STK17B: variants seen among roughly 807,000 people sequenced by gnomAD.
The protein encoded by STK17B is serine/threonine-protein kinase 17B.
In STK17B, 21 loss-of-function variants were observed where a neutral mutation model predicts 42.0. The observed-to-expected ratio is 0.50, with a 90% CI of 0.35 to 0.72. The LOEUF is 0.72. Ranked by LOEUF, STK17B falls within the 30% of genes least tolerant of loss-of-function variation. The pLI, the probability that STK17B is intolerant of heterozygous loss-of-function variation, is 0.00. For synonymous variants in STK17B, 143 were observed against 148.4 expected (o/e 0.96, Z 0.26); for missense variants, 349 against 446.0 (o/e 0.78, Z 1.96).
chr2:196,147,439 A>G (rs1022892607), intron 3 of STK17B, among the ~76,000 whole-genome samples: 14 of 152,216 alleles, frequency 9.2e-5, no homozygotes, highest in Admixed American at 7.2e-4. Flanking sequence ...AAAATATGTC[A>G]TAAGTGTTAG....
At chr2:196,149,108 A>C (rs115437796) in intron 3 of STK17B, among the ~76,000 whole-genome samples, 1 of 152,320 alleles carries the variant, frequency 6.6e-6, no homozygotes, top group South Asian at 2.1e-4. Flanking sequence ...AGATCGTTTC[A>C]ATAAATACTT....
At chr2:196,160,966 A>AT (rs900818093) in intron 2 of STK17B, among the ~76,000 whole-genome samples, 1 of 152,206 alleles carries the variant, frequency 6.6e-6, no homozygotes, top group Non-Finnish European at 1.5e-5. Context: ...TACTTTATAG[A>AT]TTTTTTAGCT....
chr2:196,162,414 C>CTTT (rs57918319), intron 2 of STK17B, among the ~76,000 whole-genome samples: 5 of 130,926 alleles, frequency 3.8e-5, no homozygotes, highest in African/African-American at 8.1e-5. Context: ...TCTTCTTCTT[C>CTTT]TTTTTTTTTT....
intron 1 of STK17B, among the ~76,000 whole-genome samples, chr2:196,166,523 T>C (rs1406856594): frequency 1.3e-5 from 2 of 152,238 alleles, no homozygotes; most frequent in East Asian, 1.9e-4. Flanking sequence ...AGTAAATTTA[T>C]ATGCATGTGT....
Position 196,133,588 on chromosome 2 carries a change from TTA to T in STK17B, c.*3857_*3858del, listed in dbSNP as rs1469734410. The stretch of plus-strand genomic sequence containing the variant: ...TACTTGTTTTCAGATTTATATGCCT[TTA>T]CAGATATGTTTATTAGACACAAAGA... On this transcript the variant is annotated 3_prime_UTR_variant, in exon 8 of 8. Coordinates refer to ENST00000263955, the MANE Select transcript of STK17B (RefSeq NM_004226.4). The T allele has an allele frequency of 6.6e-6, 1 of 152,262 alleles. No individual in the cohort carries two copies. The highest frequency in any genetic ancestry group is 1.5e-5 in the Non-Finnish European group (1 of 68,042). The allele number at this position is 152,262 out of a possible 1,614,324, so 9.4% of individuals were successfully genotyped here. A position where few individuals can be genotyped will look rare whatever the true frequency, so the allele number is the denominator to read the frequency against.
chr2:196,140,492 A>G (rs1477636338), intron 6 of STK17B, among the ~76,000 whole-genome samples: 7 of 151,448 alleles, frequency 4.6e-5, no homozygotes, highest in Admixed American at 3.9e-4. Flanking sequence ...AAAAACTCAT[A>G]ATTTCCCAGA....
chr2:196,141,155 C>A, intron 6 of STK17B, 94 bp downstream of exon 6: 1 of 844,500 alleles, frequency 1.2e-6, no homozygotes, highest in South Asian at 1.6e-5. Flanking sequence ...TTGAAGAAAG[C>A]CTTATTATTT....
At chr2:196,168,855 A>G (rs756120503) in intron 1 of STK17B, among the ~76,000 whole-genome samples, 25 of 152,162 alleles carry the variant, frequency 1.6e-4, no homozygotes, top group Non-Finnish European at 3.1e-4. Flanking sequence ...TAGAATACAA[A>G]CTACAGTACT....
chr2:196,169,398 A>G (rs765394249), intron 1 of STK17B, among the ~76,000 whole-genome samples: 1 of 152,196 alleles, frequency 6.6e-6, no homozygotes, highest in Non-Finnish European at 1.5e-5. Flanking sequence ...TCTTACATAC[A>G]GAAAATGTGA....
At chr2:196,143,457 C>A in intron 5 of STK17B, 103 bp downstream of exon 5, 1 of 1,160,662 alleles carries the variant, frequency 8.6e-7, no homozygotes, top group Non-Finnish European at 1.2e-6. Flanking sequence ...CAATCAAATC[C>A]TTTTAACTGA....
At position 196,137,296 on chromosome 2, in the gene STK17B, A is replaced by C. The variant is rs1391298557; in HGVS notation, c.*151T>G. 1 of 756,158 alleles carries C rather than the reference A, an allele frequency of 1.3e-6. No homozygotes were observed. The highest frequency in any genetic ancestry group is 2.0e-6 in the Non-Finnish European group (1 of 495,498). 46.8% of individuals were successfully genotyped at this position (756,158 alleles called of 1,614,324 possible). A position where few individuals can be genotyped will look rare whatever the true frequency, so the allele number is the denominator to read the frequency against. On this transcript the variant is annotated 3_prime_UTR_variant, in exon 8 of 8. Transcript: ENST00000263955. ...ATGAAATCATAACATGCTAGCAACTAGTAATTTAACATTAAAACACTTCCC... is the reference window on the plus strand; with the variant it reads ...ATGAAATCATAACATGCTAGCAACTCGTAATTTAACATTAAAACACTTCCC...
At chr2:196,173,832 T>TA (rs1699974761), upstream of STK17B, among the ~76,000 whole-genome samples, 1 of 152,166 alleles carries the variant, frequency 6.6e-6, no homozygotes, top group Non-Finnish European at 1.5e-5. Context: ...TTCCAGTTCA[T>TA]ACGTTGAAAT....
intron 1 of STK17B, chr2:196,165,439 T>C (rs1699864964): frequency 6.6e-6 from 1 of 152,224 alleles, no homozygotes; most frequent in African/African-American, 2.4e-5. Flanking sequence ...TATACAAACA[T>C]TTACTTTCCA....
At chr2:196,169,596 G>A (rs1699912520) in intron 1 of STK17B, among the ~76,000 whole-genome samples, 1 of 152,144 alleles carries the variant, frequency 6.6e-6, no homozygotes, top group South Asian at 2.1e-4. Context: ...AAGTAAAACA[G>A]AGCAAGCTTA....
At chr2:196,173,261 A>T (rs1699969153), upstream of STK17B, among the ~76,000 whole-genome samples, 1 of 152,032 alleles carries the variant, frequency 6.6e-6, no homozygotes, top group Non-Finnish European at 1.5e-5. Flanking sequence ...CCAGCTTATC[A>T]CCATCCTCCT....
At chr2:196,163,020 G>A (rs1335022501) in intron 2 of STK17B, among the ~76,000 whole-genome samples, 2 of 152,152 alleles carry the variant, frequency 1.3e-5, no homozygotes, top group African/African-American at 2.4e-5. Context: ...CTCATGTAAC[G>A]ACAGAGACCT....
At position 196,163,284 on chromosome 2, in the gene STK17B, G is replaced by T; in HGVS notation, c.100C>A (p.Leu34Ile). 20 of 1,608,658 alleles carry T rather than the reference G, an allele frequency of 1.2e-5. No individual in the cohort carries two copies. Among genetic ancestry groups the T allele is most frequent in the Non-Finnish European group, 1.7e-5 (20 of 1,178,432 alleles). Residue 34 changes from leucine (L) to isoleucine (I), a missense_variant, in exon 2 of 8, where the codon CTT (leucine) becomes ATT (isoleucine). Transcript: ENST00000263955. ...TACCTCCCTAGCTCTTTAGATGTAAGTATATAGAAATTATTAAAGTTTTCC... is the reference window on the plus strand; with the variant it reads ...TACCTCCCTAGCTCTTTAGATGTAATTATATAGAAATTATTAAAGTTTTCC... ...KMENFNNFYI[L>I]TSKELGRGKF...
Position 196,134,642 on chromosome 2 carries a change from C to A in STK17B, c.*2805G>T, listed in dbSNP as rs905775302. On this transcript the variant is annotated 3_prime_UTR_variant, in exon 8 of 8. Transcript: ENST00000263955. ...CAATTTCACTGCTCAGAGCTAGGTT[C>A]TTTACTGTAGGGAAAATAATTAAAA... 1 of 152,160 alleles carries A rather than the reference C, an allele frequency of 6.6e-6. No homozygotes were observed. Among genetic ancestry groups the A allele is most frequent in the African/African-American group, 2.4e-5 (1 of 41,440 alleles). The allele number at this position is 152,160 out of a possible 1,614,324, so 9.4% of individuals were successfully genotyped here.
chr2:196,145,917 A>G lies in STK17B; in HGVS notation c.474T>C (p.Asp158=), dbSNP rs1412360774. 6.4e-7 allele frequency: 1 copy of G among 1,570,780 alleles called. No homozygotes were observed. The highest frequency in any genetic ancestry group is 1.2e-5 in the South Asian group (1 of 84,158). Residue 158 remains aspartate (D), a synonymous_variant, in exon 4 of 8, where the codon GAT becomes GAC. Coordinates refer to ENST00000263955, the MANE Select transcript of STK17B (RefSeq NM_004226.4). ...YLHQNNIVHL[D]LKPQNILLSS... is the part of the protein sequence containing the mutation. ...TTAAATCACGTTACGTTACCTTTAAATCAAGGTGTACAATGTTATTCTGAT... is the reference window on the plus strand; with the variant it reads ...TTAAATCACGTTACGTTACCTTTAAGTCAAGGTGTACAATGTTATTCTGAT...
Sources: gnomAD v4.1 joint callset for allele counts (sites outside exome capture counted in the v4.1 genomes callset) on GRCh38, gnomAD v4.1.1 for gene constraint, MANE v1.5 for transcripts, NCBI Gene and HGNC (gene_info 2026-07-23, HGNC 2026-07-21) for gene names.